The following AP1G1 variants were observed in gnomAD, a reference collection of about 807,000 sequenced individuals.
AP1G1 encodes the protein adaptor related protein complex 1 subunit gamma 1, also known as AP-1 complex subunit gamma-1.
Under a neutral mutation model 108.3 loss-of-function variants are expected in AP1G1, and 7 were observed. The ratio of observed to expected loss-of-function variants is 0.06; its 90% CI spans 0.04 to 0.12. AP1G1 has a LOEUF of 0.12. AP1G1 is among the 10% of genes least tolerant of loss of function. The probability of loss-of-function intolerance (pLI) is 1.00; values close to 1 mark genes in which losing one functional copy is unlikely to be tolerated. For missense variants in AP1G1, 756 were observed against 1,010.7 expected, an observed-to-expected ratio of 0.75 and a Z score of 3.42; for synonymous variants, 379 against 353.5, an observed-to-expected ratio of 1.07 and a Z score of -0.81.
chr16:71,745,123 A>T, intron 19 of AP1G1, 21 bp downstream of exon 19: 1 of 1,613,112 alleles, frequency 6.2e-7, no homozygotes, highest in Non-Finnish European at 8.5e-7. Flanking sequence ...CCAGGTATTA[A>T]ATAGCTCCAG....
rs1354683644 is a variant in AP1G1, at chr16:71,739,339, C to G, written c.2002G>C (p.Ala668Pro). ...DLLGDINLTG[A>P]PAAAPAPASV... ...GCAGGGGCAGGAGCAGCAGCTGGAG[C>G]ACCTAAAGGAAATATTTTAATGGAA... is the stretch of plus-strand genomic sequence containing the variant. Residue 668 changes from alanine to proline, a missense_variant and splice_region_variant, in exon 20 of 23, where the codon GCT becomes CCT. Coordinates refer to ENST00000299980, the MANE Select transcript of AP1G1 (RefSeq NM_001128.6). 2 of 1,587,352 alleles carry G rather than the reference C, an allele frequency of 1.3e-6. No individual in the cohort carries two copies. Among genetic ancestry groups the G allele is most frequent in the Non-Finnish European group, 1.7e-6 (2 of 1,172,980 alleles).
chr16:71,743,672 T>G (rs559511094), intron 19 of AP1G1: 6 of 151,840 alleles, frequency 4.0e-5, no homozygotes, highest in Non-Finnish European at 5.9e-5. Flanking sequence ...ATAGAAGTTG[T>G]AGGCCAGGCG....
chr16:71,745,329 A>C lies in AP1G1; in HGVS notation c.1873-59T>G. ...ATTTGATTTGTCTAGTATACATCTA[A>C]TGCAAAGCTCTTTCAATATGTAAAA... is the stretch of plus-strand genomic sequence containing the variant. On this transcript the variant is annotated intron_variant, in intron 18 of 22. Coordinates refer to ENST00000299980, the MANE Select transcript of AP1G1 (RefSeq NM_001128.6). The C allele has an allele frequency of 2.5e-6, 4 of 1,604,236 alleles. No individual in the cohort carries two copies. In the South Asian group the frequency reaches 4.5e-5, roughly 18 times the overall value.
Position 71,765,454 on chromosome 16 carries a change from T to C in AP1G1, c.738+35A>G, listed in dbSNP as rs750637734. On this transcript the variant is annotated intron_variant, in intron 7 of 22. Transcript: ENST00000299980. ...TGTCTACTTAAAGATATTAAATTCA[T>C]ATAACATTTATTTAAAACGTTCTTT... is the stretch of plus-strand genomic sequence containing the variant. 105 of 1,461,152 alleles carry C rather than the reference T, an allele frequency of 7.2e-5. 1 individual carries two copies. The highest frequency in any genetic ancestry group is 9.7e-5 in the Non-Finnish European group (102 of 1,047,444). The allele number at this position is 1,461,152 out of a possible 1,614,324, so 90.5% of individuals were successfully genotyped here.
chr16:71,768,192 TAAAAAAAA>T (rs10610445), intron 6 of AP1G1, among the ~76,000 whole-genome samples: 3 of 99,828 alleles, frequency 3.0e-5, no homozygotes, highest in Non-Finnish European at 4.0e-5. Flanking sequence ...AATACTAGTT[TAAAAAAAA>T]AAAAAAAAAA....
At chr16:71,758,441 G>A in intron 11 of AP1G1, 1 of 525,108 alleles carries the variant, frequency 1.9e-6, no homozygotes, top group Non-Finnish European at 3.8e-6. Flanking sequence ...ATTGTGACAA[G>A]ACACTTAGCC....
chr16:71,755,153 T>C (rs976164496), intron 12 of AP1G1, among the ~76,000 whole-genome samples: 4 of 152,158 alleles, frequency 2.6e-5, no homozygotes, highest in Non-Finnish European at 5.9e-5. Flanking sequence ...AGGCCAGGTG[T>C]GGTGGCTGAT....
intron 13 of AP1G1, among the ~76,000 whole-genome samples, chr16:71,751,521 T>C (rs1413781243): frequency 6.7e-6 from 1 of 149,816 alleles, no homozygotes; most frequent in Non-Finnish European, 1.5e-5. Context: ...AGGTCACTCC[T>C]GTTAAGAAAC....
At position 71,739,278 on chromosome 16, in the gene AP1G1, A is replaced by G. The variant is rs1218503716; in HGVS notation, c.2063T>C (p.Leu688Ser). Residue 688 changes from leucine (L) to serine (S), a missense_variant, in exon 20 of 23, where the codon TTG becomes TCG. Physicochemically the swap from Leu to Ser is moderately radical, Grantham distance 145. Coordinates refer to ENST00000299980, the MANE Select transcript of AP1G1 (RefSeq NM_001128.6). ...VPQISQPPFL[L>S]DGLSSQPLFN... ...GAGAGGCTGTGATGAAAGCCCATCC[A>G]ACAAGAAGGGGGGCTGGGATATCTG... 1.2e-6 allele frequency: 2 copies of G among 1,613,344 alleles called. No individual in the cohort carries two copies. The highest frequency in any genetic ancestry group is 1.7e-6 in the Non-Finnish European group (2 of 1,179,838).
intron 9 of AP1G1, 66 bp downstream of exon 9, chr16:71,764,284 G>A: frequency 1.1e-6 from 1 of 890,758 alleles, no homozygotes; most frequent in Non-Finnish European, 1.7e-6. Flanking sequence ...CTGAAGTACT[G>A]AAGTCCAAGT....
rs961249790 is a variant in AP1G1 at position 71,808,608 on chromosome 16, C to T, written c.-4+155G>A. 1.0e-5 allele frequency: 13 copies of T among 1,289,506 alleles called. No individual in the cohort carries two copies. The African/African-American group carries it at 2.0e-4, about 20-fold the overall frequency. 79.9% of individuals were successfully genotyped at this position (1,289,506 alleles called of 1,614,324 possible). A position where few individuals can be genotyped will look rare whatever the true frequency, so the allele number is the denominator to read the frequency against. On this transcript the variant is annotated intron_variant, in intron 1 of 22. Coordinates refer to ENST00000299980, the MANE Select transcript of AP1G1 (RefSeq NM_001128.6). ...AAGTCGGAGCAGCCCCTGGGGCTCC[C>T]GGCCTCTCCTGGCCCAGCTTCTCTG...
intron 1 of AP1G1, among the ~76,000 whole-genome samples, chr16:71,801,015 G>T (rs1015682115): frequency 2.0e-5 from 3 of 151,780 alleles, no homozygotes; most frequent in Non-Finnish European, 4.4e-5. Context: ...AAACAAAAAT[G>T]AATTATATTG....
At chr16:71,790,227 G>C (rs1200203946) in intron 1 of AP1G1, among the ~76,000 whole-genome samples, 1 of 152,106 alleles carries the variant, frequency 6.6e-6, no homozygotes, top group Non-Finnish European at 1.5e-5. Context: ...GGGAAATGTG[G>C]AACTAACTGA....
chr16:71,736,119 T>TAA (rs1597030837), intron 21 of AP1G1, among the ~76,000 whole-genome samples: 1 of 54,398 alleles, frequency 1.8e-5, no homozygotes, highest in Non-Finnish European at 3.2e-5. Flanking sequence ...AAAAAAAAAA[T>TAA]ATATATATAT....
In AP1G1 at chr16:71,769,677, G is replaced by T; in HGVS notation, c.588C>A (p.Val196=). The T allele has an allele frequency of 6.2e-7, 1 of 1,613,514 alleles. No individual in the cohort carries two copies. Among genetic ancestry groups the T allele is most frequent in the South Asian group, 1.1e-5 (1 of 91,016 alleles). Residue 196 remains valine (V), a synonymous_variant, in exon 6 of 23, where the codon GTC becomes GTA. Transcript: ENST00000299980. The part of the protein sequence containing the change: ...KNHGVLHTSV[V]LLTEMCERSP... ...TTCGCTCACACATTTCTGTGAGGAG[G>T]ACTACAGATGTGTGGAGGACACCTG...
rs1326275878 is a variant in AP1G1, at chr16:71,730,582, C to G, written c.*2476G>C. On this transcript the variant is annotated 3_prime_UTR_variant, in exon 23 of 23. Transcript: ENST00000299980. ...ACATTTCTCCATTTAGCTGCAAGGCCAAGTGAGAGGAAAACTAATTCTGAT... is the reference window on the plus strand; with the variant it reads ...ACATTTCTCCATTTAGCTGCAAGGCGAAGTGAGAGGAAAACTAATTCTGAT... The G allele has an allele frequency of 1.3e-5, 2 of 152,562 alleles. No homozygotes were observed. Among genetic ancestry groups the G allele is most frequent in the Admixed American group, 1.3e-4 (2 of 15,274 alleles). 9.5% of individuals were successfully genotyped at this position (152,562 alleles called of 1,614,324 possible). A position where few individuals can be genotyped will look rare whatever the true frequency, so the allele number is the denominator to read the frequency against.
intron 6 of AP1G1, among the ~76,000 whole-genome samples, chr16:71,767,523 A>G (rs1445896039): frequency 1.3e-5 from 2 of 152,242 alleles, no homozygotes; most frequent in African/African-American, 4.8e-5. Flanking sequence ...CTACTTCAAA[A>G]AGCAGCAGCA....
intron 2 of AP1G1, among the ~76,000 whole-genome samples, chr16:71,774,849 T>C (rs1358387689): frequency 3.3e-5 from 5 of 151,058 alleles, no homozygotes; most frequent in Non-Finnish European, 7.4e-5. Context: ...GCCTCCCGAG[T>C]AGCTGGGATT....
chr16:71,750,433 G>C, intron 13 of AP1G1, 101 bp from the exon 14 acceptor site: 1 of 1,448,306 alleles, frequency 6.9e-7, no homozygotes, highest in Non-Finnish European at 9.4e-7. Context: ...TTCTTTTTTT[G>C]AGACAGAGTC....
Sources: gnomAD v4.1 joint callset for allele counts (sites outside exome capture counted in the v4.1 genomes callset) on GRCh38, gnomAD v4.1.1 for gene constraint, MANE v1.5 for transcripts, NCBI Gene and HGNC (gene_info 2026-07-23, HGNC 2026-07-21) for gene names.